Variants in CNTNAP2 observed in about 807,000 individuals in gnomAD.
The protein encoded by CNTNAP2 is contactin associated protein 2.
A neutral mutation model predicts 155.2 loss-of-function variants in CNTNAP2; 98 were observed. That is an observed-to-expected ratio of 0.63 (90% confidence interval 0.54 to 0.75). The LOEUF (loss-of-function observed/expected upper bound fraction) is 0.75. Ranked by LOEUF, CNTNAP2 falls within the 30% of genes least tolerant of loss-of-function variation. The pLI, the probability that CNTNAP2 is intolerant of heterozygous loss-of-function variation, is 0.00. For synonymous variants in CNTNAP2, 651 were observed against 631.2 expected, an observed-to-expected ratio of 1.03 and a Z score of -0.47; for missense variants, 1,727 against 1,688.1, an observed-to-expected ratio of 1.02 and a Z score of -0.40.
chr7:146,174,235 A>T (rs954321279), intron 1 of CNTNAP2, among the ~76,000 whole-genome samples: 5 of 151,808 alleles, frequency 3.3e-5, no homozygotes, highest in African/African-American at 1.2e-4. Context: ...AAGAAAAAAA[A>T]CCCAACATAA....
At chr7:147,271,816 A>T (rs1355441882) in intron 8 of CNTNAP2, among the ~76,000 whole-genome samples, 1 of 152,186 alleles carries the variant, frequency 6.6e-6, no homozygotes, top group Non-Finnish European at 1.5e-5. Context: ...GCTACAGTTC[A>T]AAATGACATT....
chr7:148,102,099 T>C (rs1005661822), intron 15 of CNTNAP2, among the ~76,000 whole-genome samples: 1 of 152,152 alleles, frequency 6.6e-6, no homozygotes, highest in African/African-American at 2.4e-5. Flanking sequence ...TAATACCCAA[T>C]AGTTATTTTT....
chr7:147,337,044 T>C (rs1373084789), intron 9 of CNTNAP2, among the ~76,000 whole-genome samples: 2 of 152,156 alleles, frequency 1.3e-5, no homozygotes, highest in Non-Finnish European at 2.9e-5. Flanking sequence ...ATTAGGGAAA[T>C]GGTAAGAAAA....
intron 20 of CNTNAP2, among the ~76,000 whole-genome samples, chr7:148,243,856 T>G (rs1296821908): frequency 6.6e-6 from 1 of 152,164 alleles, no homozygotes; most frequent in Non-Finnish European, 1.5e-5. Flanking sequence ...TTAGAAGTCT[T>G]ATTGGGGACT....
intron 1 of CNTNAP2, among the ~76,000 whole-genome samples, chr7:146,476,176 CT>C (rs1444544866): frequency 1.3e-5 from 2 of 152,146 alleles, no homozygotes; most frequent in African/African-American, 4.8e-5. Context: ...ATTTTTCTCT[CT>C]TTTGCCTTTA....
intron 1 of CNTNAP2, among the ~76,000 whole-genome samples, chr7:146,232,826 A>T (rs1458036931): frequency 1.3e-5 from 2 of 152,202 alleles, no homozygotes; most frequent in Non-Finnish European, 2.9e-5. Flanking sequence ...AATGTCAAAG[A>T]CATTGACATT....
At chr7:147,424,912 T>A (rs1294267511) in intron 10 of CNTNAP2, among the ~76,000 whole-genome samples, 1 of 152,152 alleles carries the variant, frequency 6.6e-6, no homozygotes, top group African/African-American at 2.4e-5. Flanking sequence ...CTACCCTCAA[T>A]TTATACCCAG....
chr7:148,204,935 G>A (rs969136630), intron 18 of CNTNAP2, among the ~76,000 whole-genome samples: 4 of 152,184 alleles, frequency 2.6e-5, no homozygotes, highest in African/African-American at 7.2e-5. Flanking sequence ...TGCTCAAAGC[G>A]TTGCTGTTGA....
chr7:147,242,401 C>T (rs944281411), intron 8 of CNTNAP2, among the ~76,000 whole-genome samples: 1 of 152,074 alleles, frequency 6.6e-6, no homozygotes, highest in African/African-American at 2.4e-5. Context: ...ATAGTAGTAC[C>T]CGCTTCTTCT....
At chr7:146,930,267 G>C (rs1397784948) in intron 3 of CNTNAP2, among the ~76,000 whole-genome samples, 1 of 152,164 alleles carries the variant, frequency 6.6e-6, no homozygotes. Context: ...AGCCAGAAGA[G>C]AGTGGGGGCC....
At chr7:146,862,236 A>G (rs1795116309) in intron 3 of CNTNAP2, among the ~76,000 whole-genome samples, 1 of 152,204 alleles carries the variant, frequency 6.6e-6, no homozygotes, top group Non-Finnish European at 1.5e-5. Context: ...AGCGTTTGAT[A>G]TATTGAATTA....
chr7:147,845,031 A>C (rs1209064648), intron 13 of CNTNAP2, among the ~76,000 whole-genome samples: 478 of 98,186 alleles, frequency 4.9e-3, no homozygotes, highest in Non-Finnish European at 6.6e-3. Context: ...ATCAATGTTC[A>C]TCAAGGATAT....
intron 1 of CNTNAP2, among the ~76,000 whole-genome samples, chr7:146,612,449 AAG>A (rs1799154167): frequency 6.6e-6 from 1 of 152,152 alleles, no homozygotes; most frequent in African/African-American, 2.4e-5. Flanking sequence ...AAGTATTTAA[AAG>A]AGATTCTGCC....
chr7:148,233,349 TA>T (rs1309011458), intron 20 of CNTNAP2, among the ~76,000 whole-genome samples: 1 of 151,052 alleles, frequency 6.6e-6, no homozygotes, highest in Non-Finnish European at 1.5e-5. Context: ...GGGAGAATAT[TA>T]AATGAAATAG....
chr7:147,630,093 AAGAG>A (rs139205708), intron 12 of CNTNAP2, among the ~76,000 whole-genome samples: 13,605 of 151,942 alleles, frequency 0.09, 1,673 homozygotes, highest in African/African-American at 0.26. Context: ...CCAAGAAAAA[AAGAG>A]AGAAGATCCA....
chr7:146,731,004 TAAAC>T (rs972196673), intron 1 of CNTNAP2, among the ~76,000 whole-genome samples: 1 of 152,210 alleles, frequency 6.6e-6, no homozygotes, highest in Non-Finnish European at 1.5e-5. Context: ...ATTGTGTTCA[TAAAC>T]TCATGACATT....
At chr7:148,256,853 G>A (rs1796463800) in intron 20 of CNTNAP2, among the ~76,000 whole-genome samples, 1 of 152,188 alleles carries the variant, frequency 6.6e-6, no homozygotes, top group African/African-American at 2.4e-5. Context: ...CCCTAGGCTA[G>A]GCCACCTCTG....
chr7:146,877,177 A>C (rs181696598), intron 3 of CNTNAP2, among the ~76,000 whole-genome samples: 1 of 152,274 alleles, frequency 6.6e-6, no homozygotes, highest in Non-Finnish European at 1.5e-5. Flanking sequence ...AATGAAAAGA[A>C]GGTAAAACAT....
At chr7:148,232,393 C>T (rs1795980115) in intron 20 of CNTNAP2, among the ~76,000 whole-genome samples, 1 of 152,194 alleles carries the variant, frequency 6.6e-6, no homozygotes, top group South Asian at 2.1e-4. Flanking sequence ...TCTACAGCCT[C>T]AACTGTGTGT....
Sources: allele counts gnomAD v4.1 joint callset (sites outside exome capture counted in the v4.1 genomes callset), GRCh38; gene constraint gnomAD v4.1.1; transcripts MANE v1.5; gene names NCBI Gene and HGNC (gene_info 2026-07-23, HGNC 2026-07-21).